The following METTL15 variants were observed in gnomAD, a reference collection of about 807,000 sequenced individuals.
The protein encoded by METTL15 is 12S rRNA N(4)-cytidine methyltransferase METTL15.
METTL15 carries 34 observed loss-of-function variants against 38.3 expected under a neutral mutation model. The observed-to-expected ratio is 0.89, with a 90% CI of 0.68 to 1.18. The LOEUF is 1.18. METTL15 is among the 50% of genes most tolerant of loss of function. The probability of loss-of-function intolerance (pLI) is 0.00; values close to 1 mark genes in which losing one functional copy is unlikely to be tolerated. For missense variants in METTL15, 438 were observed against 498.4 expected (o/e 0.88, Z 1.15); for synonymous variants, 162 against 170.9 (o/e 0.95, Z 0.41).
intron 5 of METTL15, among the ~76,000 whole-genome samples, chr11:28,362,738 A>T (rs1488865492): frequency 6.6e-6 from 1 of 152,200 alleles, no homozygotes; most frequent in Non-Finnish European, 1.5e-5. Flanking sequence ...CATGGTGTAT[A>T]CATACCACAT....
intron 4 of METTL15, among the ~76,000 whole-genome samples, chr11:28,239,127 AT>A (rs922267966): frequency 6.6e-6 from 1 of 152,104 alleles, no homozygotes; most frequent in African/African-American, 2.4e-5. Context: ...CTATCTACAC[AT>A]TGATGACTCC....
intron 4 of METTL15, among the ~76,000 whole-genome samples, chr11:28,236,168 T>C (rs1853957665): frequency 6.6e-6 from 1 of 152,132 alleles, no homozygotes; most frequent in South Asian, 2.1e-4. Context: ...CACTTGATCA[T>C]GGTGGATAAG....
At chr11:28,298,532 CT>C (rs1318463342) in intron 6 of METTL15, among the ~76,000 whole-genome samples, 4 of 151,966 alleles carry the variant, frequency 2.6e-5, no homozygotes, top group Admixed American at 6.6e-5. Context: ...TTTAAGCTAC[CT>C]TTTCTGTCTG....
chr11:28,177,556 G>C (rs1851122379), intron 3 of METTL15, among the ~76,000 whole-genome samples: 1 of 151,956 alleles, frequency 6.6e-6, no homozygotes, highest in South Asian at 2.1e-4. Context: ...GTATGGATTA[G>C]GTAAGAAAAA....
At chr11:28,244,014 T>TG (rs1470218611) in intron 4 of METTL15, among the ~76,000 whole-genome samples, 1 of 152,174 alleles carries the variant, frequency 6.6e-6, no homozygotes, top group Non-Finnish European at 1.5e-5. Flanking sequence ...CTAGAATTGC[T>TG]GGGACAGCTA....
rs148500711 is a variant in METTL15 at position 28,445,319 on chromosome 11, A to G, written c.*424+20955A>G. On this transcript the variant is annotated intron_variant and NMD_transcript_variant, in intron 6 of 7. Transcript: ENST00000532947. Reference sequence around the variant, plus strand: ...ATTAACCAGTTTTAAACATTTTGTCATATTTGTCTCATCTCTGTGTGTGTA... The same window carrying G: ...ATTAACCAGTTTTAAACATTTTGTCGTATTTGTCTCATCTCTGTGTGTGTA... 2.5e-3 allele frequency among the ~76,000 whole-genome samples: 376 copies of G among 152,252 alleles called. 1 individual carries two copies. Among genetic ancestry groups the G allele is most frequent in the Non-Finnish European group, 4.9e-3 (331 of 68,002 alleles).
intron 3 of METTL15, chr11:28,197,564 C>G (rs188190561): frequency 4.6e-6 from 2 of 435,434 alleles, no homozygotes; most frequent in Non-Finnish European, 4.8e-6. Flanking sequence ...AGTAACTTGC[C>G]TAACAAGGAT....
At chr11:28,223,818 A>G (rs951100877) in intron 4 of METTL15, among the ~76,000 whole-genome samples, 54 of 152,092 alleles carry the variant, frequency 3.6e-4, no homozygotes, top group African/African-American at 1.3e-3. Context: ...AAGACTGTAT[A>G]AGAGGAAACA....
intron 6 of METTL15, among the ~76,000 whole-genome samples, chr11:28,450,867 A>G (rs1451108490): frequency 2.0e-5 from 3 of 152,218 alleles, no homozygotes; most frequent in Admixed American, 6.5e-5. Flanking sequence ...CTAGGAGCCA[A>G]CTACCTATTC....
Position 28,520,575 on chromosome 11 carries a change from C to T in METTL15, c.*425-5903C>T, listed in dbSNP as rs143607946. Among the ~76,000 whole-genome samples the T allele has an allele frequency of 4.6e-5, 7 of 152,238 alleles. No individual in the cohort carries two copies. The East Asian group carries it at 1.3e-3, about 29-fold the overall frequency. On this transcript the variant is annotated intron_variant and NMD_transcript_variant, in intron 6 of 7. Transcript: ENST00000532947. ...GAAAATAACTTATGGTTAGGCCACC[C>T]TGGGAGTTCTTTTATTCATCTATAA...
intron 4 of METTL15, chr11:28,287,670 T>C (rs1856337193): frequency 6.5e-6 from 1 of 152,868 alleles, no homozygotes; most frequent in African/African-American, 2.4e-5. Context: ...TTAATATACA[T>C]ATATAAATAA....
chr11:28,184,048 G>T (rs1356894279), intron 3 of METTL15, among the ~76,000 whole-genome samples: 1 of 151,856 alleles, frequency 6.6e-6, no homozygotes, highest in Non-Finnish European at 1.5e-5. Flanking sequence ...TTTGTGTAGG[G>T]GTATTTATGG....
Position 28,345,775 on chromosome 11 carries a change from G to A in METTL15, c.*190-6315G>A, listed in dbSNP as rs942274471. Among the ~76,000 whole-genome samples the A allele has an allele frequency of 2.6e-5, 4 of 152,044 alleles. No homozygotes were observed. In the South Asian group the frequency reaches 6.2e-4, roughly 24 times the overall value. On this transcript the variant is annotated intron_variant and NMD_transcript_variant, in intron 3 of 7. Transcript: ENST00000532947. Reference sequence around the variant, plus strand: ...ACATCCAAAATCAAGCAAACTCATAGCAACATCTTTAAAAATTGCTTCAGG... The same window carrying A: ...ACATCCAAAATCAAGCAAACTCATAACAACATCTTTAAAAATTGCTTCAGG...
At chr11:28,134,539 C>T in intron 3 of METTL15, 4 of 398,514 alleles carry the variant, frequency 1.0e-5, no homozygotes, top group Non-Finnish European at 1.8e-5. Flanking sequence ...TTCATTCCCT[C>T]CTTCAGCAAC....
intron 6 of METTL15, among the ~76,000 whole-genome samples, chr11:28,482,091 G>A (rs1266204564): frequency 3.9e-5 from 6 of 152,108 alleles, no homozygotes; most frequent in African/African-American, 1.4e-4. Flanking sequence ...TTGCTTTCAA[G>A]AATGGGTAAT....
At chr11:28,300,498 A>G (rs1187118063) in intron 6 of METTL15, among the ~76,000 whole-genome samples, 3 of 152,156 alleles carry the variant, frequency 2.0e-5, no homozygotes, top group African/African-American at 7.2e-5. Context: ...ATAAATAACT[A>G]CAGTTCCAGT....
intron 5 of METTL15, among the ~76,000 whole-genome samples, chr11:28,372,442 G>C (rs1011644042): frequency 9.0e-6 from 1 of 110,906 alleles, no homozygotes; most frequent in African/African-American, 3.4e-5. Context: ...TTCTTTTTTT[G>C]TTGTGTTCTT....
intron 5 of METTL15, among the ~76,000 whole-genome samples, chr11:28,387,449 A>C (rs1417481109): frequency 6.6e-6 from 1 of 151,974 alleles, no homozygotes; most frequent in African/African-American, 2.4e-5. Flanking sequence ...CCTAGAAGAA[A>C]TGGATATATT....
chr11:28,112,723 T>TA (rs1171388494), intron 2 of METTL15, among the ~76,000 whole-genome samples: 9 of 152,180 alleles, frequency 5.9e-5, no homozygotes, highest in African/African-American at 1.7e-4. Flanking sequence ...ACTCCACTGA[T>TA]ACAGGGTACA....
Sources: allele counts gnomAD v4.1 joint callset (sites outside exome capture counted in the v4.1 genomes callset), GRCh38; gene constraint gnomAD v4.1.1; transcripts MANE v1.5; gene names NCBI Gene and HGNC (gene_info 2026-07-23, HGNC 2026-07-21).